The following WWP2 variants were observed in gnomAD, a reference collection of about 807,000 sequenced individuals.
The protein encoded by WWP2 is WW domain containing E3 ubiquitin protein ligase 2.
A neutral mutation model predicts 121.0 loss-of-function variants in WWP2; 57 were observed. That is an observed-to-expected ratio of 0.47 (90% CI 0.38 to 0.59). WWP2 has a LOEUF of 0.59. WWP2 is among the 20% of genes least tolerant of loss of function. WWP2 has a pLI of 0.00. For synonymous variants in WWP2, 449 were observed against 441.3 expected, an observed-to-expected ratio of 1.02 and a Z score of -0.22; for missense variants, 962 against 1,158.9, an observed-to-expected ratio of 0.83 and a Z score of 2.47.
intron 4 of WWP2, among the ~76,000 whole-genome samples, chr16:69,832,377 A>G (rs1388798826): frequency 1.3e-5 from 2 of 152,064 alleles, no homozygotes; most frequent in Non-Finnish European, 2.9e-5. Flanking sequence ...ATAAATATTA[A>G]TATTTTAGTG....
In WWP2 at chr16:69,871,899, A is replaced by G. The variant is rs1309427340; in HGVS notation, c.671A>G (p.Asn224Ser). 6.2e-7 allele frequency: 1 copy of G among 1,613,876 alleles called. No homozygotes were observed. Among genetic ancestry groups the G allele is most frequent in the African/African-American group, 1.3e-5 (1 of 74,892 alleles). The change falls in exon 7 of 24, where the codon AAC becomes AGC. Residue 224 changes from asparagine (N) to serine (S), a missense_variant. Physicochemically the swap from Asn to Ser is conservative, Grantham distance 46 (BLOSUM62 1). Transcript: ENST00000359154. ...AGCCGGCACCGCCAGCCCGTCAAGAACTCAGGCCACAGTGGCTTGGCCAAT... is the reference window on the plus strand; with the variant it reads ...AGCCGGCACCGCCAGCCCGTCAAGAGCTCAGGCCACAGTGGCTTGGCCAAT... ...ARSRHRQPVK[N>S]SGHSGLANGT...
intron 2 of WWP2, among the ~76,000 whole-genome samples, chr16:69,790,567 T>C (rs995755720): frequency 2.0e-5 from 3 of 151,718 alleles, no homozygotes; most frequent in African/African-American, 7.2e-5. Context: ...TGTATGATGT[T>C]TAGCATCTTT....
At chr16:69,912,245 C>T (rs2058388862) in intron 9 of WWP2, among the ~76,000 whole-genome samples, 1 of 151,476 alleles carries the variant, frequency 6.6e-6, no homozygotes, top group African/African-American at 2.4e-5. Context: ...GCTGAGATTG[C>T]ACCACTGCAC....
intron 4 of WWP2, among the ~76,000 whole-genome samples, chr16:69,814,644 C>T (rs2056455875): frequency 6.6e-6 from 1 of 152,180 alleles, no homozygotes; most frequent in Non-Finnish European, 1.5e-5. Flanking sequence ...AAGAAAACAA[C>T]CTCCTATTTA....
intron 1 of WWP2, among the ~76,000 whole-genome samples, chr16:69,784,544 A>G (rs2055741162): frequency 6.6e-6 from 1 of 152,222 alleles, no homozygotes; most frequent in Non-Finnish European, 1.5e-5. Context: ...TTCACCACAC[A>G]TACTCTCAGT....
rs752958878 is a variant in WWP2, at chr16:69,848,925, AG to A, written c.575+6806del. 3.9e-5 allele frequency among the ~76,000 whole-genome samples: 6 copies of A among 152,240 alleles called. No homozygotes were observed. The South Asian group carries it at 1.2e-3, about 32-fold the overall frequency. Reference sequence around the variant, plus strand: ...GGAAAAGTTTCAGAGCCTCTTAGATAGTTTTCTTTCTCACTCCTTTACTCTT... The same window carrying A: ...GGAAAAGTTTCAGAGCCTCTTAGATATTTTCTTTCTCACTCCTTTACTCTT... On this transcript the variant is annotated intron_variant, in intron 6 of 23. Transcript: ENST00000359154.
intron 1 of WWP2, among the ~76,000 whole-genome samples, chr16:69,783,375 T>G (rs1257534193): frequency 6.6e-6 from 1 of 152,040 alleles, no homozygotes; most frequent in African/African-American, 2.4e-5. Flanking sequence ...AACAACTCTT[T>G]AAGATAAGTC....
At chr16:69,886,717 G>A (rs189588664) in intron 7 of WWP2, among the ~76,000 whole-genome samples, 6 of 152,262 alleles carry the variant, frequency 3.9e-5, no homozygotes, top group East Asian at 3.9e-4. Context: ...CCAAGATGGC[G>A]CCATTCCACT....
chr16:69,867,214 G>A (rs2057542951), intron 6 of WWP2, among the ~76,000 whole-genome samples: 1 of 151,234 alleles, frequency 6.6e-6, no homozygotes. Flanking sequence ...CTGTTGCAAA[G>A]GTGACAATGG....
intron 4 of WWP2, among the ~76,000 whole-genome samples, chr16:69,824,181 G>A (rs2056642692): frequency 6.6e-6 from 1 of 152,246 alleles, no homozygotes; most frequent in Non-Finnish European, 1.5e-5. Context: ...AGGTGCTGTG[G>A]CTGCCGGAAT....
intron 4 of WWP2, among the ~76,000 whole-genome samples, chr16:69,832,736 G>A (rs1436417781): frequency 2.0e-5 from 3 of 152,160 alleles, no homozygotes; most frequent in Non-Finnish European, 2.9e-5. Context: ...TAGAGATGGG[G>A]TTTTGCCATG....
intron 10 of WWP2, among the ~76,000 whole-genome samples, chr16:69,920,150 T>A (rs2058538276): frequency 6.6e-6 from 1 of 152,052 alleles, no homozygotes; most frequent in Non-Finnish European, 1.5e-5. Flanking sequence ...TCTCCCTTGG[T>A]TAGTTCTGTC....
chr16:69,925,263 A>G lies in WWP2; in HGVS notation c.1180-167A>G, dbSNP rs975779186. 16 of 1,437,612 alleles carry G rather than the reference A, an allele frequency of 1.1e-5. No individual in the cohort carries two copies. Among genetic ancestry groups the G allele is most frequent in the Middle Eastern group, 3.8e-4 (2 of 5,288 alleles). 89.1% of individuals were successfully genotyped at this position (1,437,612 alleles called of 1,614,324 possible). On this transcript the variant is annotated intron_variant, in intron 10 of 23. Coordinates refer to ENST00000359154, the MANE Select transcript of WWP2 (RefSeq NM_001270454.2). This position sits in a 1 kb window ranked among gnomAD's most constrained non-coding sequence, Gnocchi z 4.0. Reference sequence around the variant, plus strand: ...TTCTGTAAAAATCAAAACAAAAAACAGAGACTTTTGAGAGGAGCAGATGCC... The same window carrying G: ...TTCTGTAAAAATCAAAACAAAAAACGGAGACTTTTGAGAGGAGCAGATGCC...
intron 11 of WWP2, among the ~76,000 whole-genome samples, chr16:69,927,388 C>T (rs1421778805): frequency 6.6e-6 from 1 of 152,246 alleles, no homozygotes; most frequent in Non-Finnish European, 1.5e-5. Context: ...GGACTCAGGA[C>T]ACCTCGGGTT....
intron 4 of WWP2, among the ~76,000 whole-genome samples, chr16:69,829,566 T>TCCCTG (rs993057981): frequency 6.6e-6 from 1 of 152,158 alleles, no homozygotes; most frequent in Non-Finnish European, 1.5e-5. Flanking sequence ...ATGGTCTTCC[T>TCCCTG]CCCTGCCCTG....
At chr16:69,864,519 C>T (rs538026570) in intron 6 of WWP2, among the ~76,000 whole-genome samples, 1 of 152,170 alleles carries the variant, frequency 6.6e-6, no homozygotes, top group Admixed American at 6.5e-5. Context: ...CTAATCCAGA[C>T]TTATTACTGT....
Position 69,937,452 on chromosome 16 carries a change from G to C in WWP2, c.2239-96G>C, listed in dbSNP as rs2058816563. ...ATTATTAACGCTGACACCAAAAATA[G>C]CTAGTTGAATATGTTTGGGGTAATG... On this transcript the variant is annotated intron_variant, in intron 20 of 23. Coordinates refer to ENST00000359154, the MANE Select transcript of WWP2 (RefSeq NM_001270454.2). This position sits in a 1 kb window ranked among gnomAD's most constrained non-coding sequence, Gnocchi z 6.6. 4.3e-6 allele frequency: 6 copies of C among 1,410,624 alleles called. 1 individual carries two copies. In the South Asian group the frequency reaches 7.3e-5, roughly 17 times the overall value. The allele number at this position is 1,410,624 out of a possible 1,614,324, so 87.4% of individuals were successfully genotyped here.
At chr16:69,824,244 T>G (rs1427377091) in intron 4 of WWP2, among the ~76,000 whole-genome samples, 1 of 152,228 alleles carries the variant, frequency 6.6e-6, no homozygotes, top group Non-Finnish European at 1.5e-5. Flanking sequence ...TAATTTTCCC[T>G]CTTCCTTCAG....
At chr16:69,775,289 A>T (rs903824609) in intron 1 of WWP2, 5 of 152,228 alleles carry the variant, frequency 3.3e-5, no homozygotes, top group Admixed American at 6.5e-5. Flanking sequence ...GGGGAAGGTC[A>T]GAAAATCTTT....
Sources: gnomAD v4.1 joint callset for allele counts (sites outside exome capture counted in the v4.1 genomes callset) on GRCh38, gnomAD v4.1.1 for gene constraint, Gnocchi (gnomAD v3.1) non-coding constraint, MANE v1.5 for transcripts, NCBI Gene and HGNC (gene_info 2026-07-23, HGNC 2026-07-21) for gene names.